Variants in C9 observed in about 807,000 individuals in gnomAD.
C9 encodes complement C9.
C9 carries 63 observed loss-of-function variants against 65.4 expected under a neutral mutation model. The ratio of observed to expected loss-of-function variants is 0.96; its 90% CI spans 0.79 to 1.19. C9 has a LOEUF of 1.19. Ranked by LOEUF, C9 falls within the 50% of genes most tolerant of loss-of-function variation. The pLI is 0.00. For missense variants in C9, 744 were observed against 670.1 expected, an observed-to-expected ratio of 1.11 and a Z score of -1.22; for synonymous variants, 229 against 227.9, an observed-to-expected ratio of 1.00 and a Z score of -0.04.
rs1021727237 is a variant in C9 at position 39,308,327 on chromosome 5, A to G, written c.1143T>C (p.Leu381=). ...CCAGAGATACATCCAGATGATACCC[A>G]AGGCATCTCTTTATGTCTTTTAGTT... ...GVELKDIKRC[L]GYHLDVSLAF... Residue 381 remains leucine, a synonymous_variant, in exon 8 of 11, where the codon CTT becomes CTC. Transcript: ENST00000263408. The G allele has an allele frequency of 6.3e-7, 1 of 1,599,354 alleles. No individual in the cohort carries two copies. The highest frequency in any genetic ancestry group is 1.1e-5 in the South Asian group (1 of 90,774).
chr5:39,337,728 A>T (rs1056312979), intron 4 of C9, among the ~76,000 whole-genome samples: 1 of 152,198 alleles, frequency 6.6e-6, no homozygotes, highest in African/African-American at 2.4e-5. Flanking sequence ...GGGTTGGGGG[A>T]TTTCCCCAAA....
chr5:39,291,720 T>C (rs1349514646), intron 9 of C9, among the ~76,000 whole-genome samples: 1 of 151,876 alleles, frequency 6.6e-6, no homozygotes, highest in Non-Finnish European at 1.5e-5. Flanking sequence ...AATTTGACTT[T>C]ACTAGATACA....
intron 9 of C9, among the ~76,000 whole-genome samples, chr5:39,302,809 T>G (rs2111868107): frequency 6.6e-6 from 1 of 152,266 alleles, no homozygotes; most frequent in South Asian, 2.1e-4. Flanking sequence ...CATTTTCTAG[T>G]GCATTGAGTA....
chr5:39,352,963 A>G (rs1429766983), intron 1 of C9, among the ~76,000 whole-genome samples: 2 of 151,888 alleles, frequency 1.3e-5, no homozygotes, highest in African/African-American at 4.8e-5. Context: ...TGGAAATGTG[A>G]TTATGGGGAG....
At chr5:39,337,553 T>C (rs1163807331) in intron 4 of C9, among the ~76,000 whole-genome samples, 1 of 152,278 alleles carries the variant, frequency 6.6e-6, no homozygotes, top group Non-Finnish European at 1.5e-5. Flanking sequence ...TATAGATGCC[T>C]GCTTTCACAC....
chr5:39,342,708 T>C (rs1377201369), intron 1 of C9, among the ~76,000 whole-genome samples: 1 of 152,160 alleles, frequency 6.6e-6, no homozygotes, highest in African/African-American at 2.4e-5. Flanking sequence ...GTTTCCCCTC[T>C]CTGGTATTCT....
At chr5:39,341,108 CTCATTTTCAT>C (rs757960623) in intron 4 of C9, 28 bp downstream of exon 4, 5 of 1,610,094 alleles carry the variant, frequency 3.1e-6, no homozygotes, top group Non-Finnish European at 3.4e-6. Flanking sequence ...ATCATTTTCA[CTCATTTTCAT>C]CTGAAAAAGT....
intron 1 of C9, among the ~76,000 whole-genome samples, chr5:39,355,297 G>A (rs1034653197): frequency 6.6e-6 from 1 of 152,128 alleles, no homozygotes; most frequent in African/African-American, 2.4e-5. Flanking sequence ...CCCAACCAGG[G>A]CTATTCATCT....
rs1754536184 is a variant in C9, at chr5:39,362,330, C to T, written c.77+2058G>A. 2.6e-5 allele frequency among the ~76,000 whole-genome samples: 4 copies of T among 152,204 alleles called. No individual in the cohort carries two copies. The South Asian group carries it at 8.3e-4, about 32-fold the overall frequency. On this transcript the variant is annotated intron_variant, in intron 1 of 10. Coordinates refer to ENST00000263408, the MANE Select transcript of C9 (RefSeq NM_001737.5). ...TAAAAAGGGGACATTTTTATAAAGA[C>T]ATACACAATGGGAAGATGATGTGAA...
intron 1 of C9, among the ~76,000 whole-genome samples, chr5:39,349,714 C>A (rs890556187): frequency 6.6e-6 from 1 of 152,172 alleles, no homozygotes; most frequent in African/African-American, 2.4e-5. Context: ...CAGTCCTTAT[C>A]TTACTGACTG....
intron 1 of C9, among the ~76,000 whole-genome samples, chr5:39,362,479 G>T (rs835703): frequency 6.6e-6 from 1 of 151,948 alleles, no homozygotes; most frequent in Non-Finnish European, 1.5e-5. Context: ...GAGGGAGCAC[G>T]GCCCTGCCAA....
chr5:39,347,495 A>G lies in C9; in HGVS notation c.78-5299T>C, dbSNP rs141425178. Among the ~76,000 whole-genome samples, 733 of 152,360 alleles carry G rather than the reference A, an allele frequency of 4.8e-3. 9 individuals carry two copies. Among genetic ancestry groups the G allele is most frequent in the African/African-American group, 0.017 (706 of 41,578 alleles). ...GTGGAGGACCTCTTCAAAGAGAACT[A>G]CAAACCACTGCTCAGCAAAATAAGA... On this transcript the variant is annotated intron_variant, in intron 1 of 10. Coordinates refer to ENST00000263408, the MANE Select transcript of C9 (RefSeq NM_001737.5).
chr5:39,287,818 T>C (rs1000474773), intron 10 of C9, among the ~76,000 whole-genome samples: 1 of 151,870 alleles, frequency 6.6e-6, no homozygotes, highest in East Asian at 1.9e-4. Context: ...CAGTGGGGAC[T>C]CCAAAAATGG....
chr5:39,325,668 A>T (rs1753735597), intron 5 of C9, among the ~76,000 whole-genome samples: 1 of 150,590 alleles, frequency 6.6e-6, no homozygotes, highest in Non-Finnish European at 1.5e-5. Context: ...GCTACTCAGG[A>T]GGCTGAGGCA....
intron 5 of C9, among the ~76,000 whole-genome samples, chr5:39,330,054 C>T (rs1753814659): frequency 6.6e-6 from 1 of 152,184 alleles, no homozygotes; most frequent in Non-Finnish European, 1.5e-5. Context: ...CAGTTGGCAT[C>T]AAATAAATAT....
At position 39,334,306 on chromosome 5, in the gene C9, C is replaced by A. The variant is rs1753911053; in HGVS notation, c.477-2492G>T. Among the ~76,000 whole-genome samples the A allele has an allele frequency of 2.0e-5, 3 of 151,086 alleles. No homozygotes were observed. The South Asian group carries it at 6.3e-4, about 32-fold the overall frequency. ...AGAAGCGCCTCTGCCCGGCCGCAAC[C>A]CCGTCTGGGAGGAGAGGAGCGTCTC... On this transcript the variant is annotated intron_variant, in intron 4 of 10. Coordinates refer to ENST00000263408, the MANE Select transcript of C9 (RefSeq NM_001737.5).
intron 1 of C9, among the ~76,000 whole-genome samples, chr5:39,344,769 A>G (rs1219791617): frequency 2.6e-5 from 4 of 152,236 alleles, no homozygotes; most frequent in Admixed American, 2.0e-4. Flanking sequence ...GGGCAGTCAG[A>G]GAGAAAGGTC....
At chr5:39,289,033 C>T (rs1201353282) in intron 9 of C9, 82 bp from the exon 10 acceptor site, 23 of 784,120 alleles carry the variant, frequency 2.9e-5, no homozygotes, top group Non-Finnish European at 5.2e-5. Flanking sequence ...ATTATTCATT[C>T]ACTGATTCAT....
At chr5:39,363,804 A>T (rs1341948348) in intron 1 of C9, among the ~76,000 whole-genome samples, 1 of 152,212 alleles carries the variant, frequency 6.6e-6, no homozygotes, top group Non-Finnish European at 1.5e-5. Flanking sequence ...AAAAGGAGAA[A>T]AAGTATCTTT....
Sources: gnomAD v4.1 joint callset for allele counts (sites outside exome capture counted in the v4.1 genomes callset) on GRCh38, gnomAD v4.1.1 for gene constraint, MANE v1.5 for transcripts, NCBI Gene and HGNC (gene_info 2026-07-23, HGNC 2026-07-21) for gene names.